The following PDE4B variants were observed in gnomAD, a reference collection of about 807,000 sequenced individuals.
PDE4B encodes the protein phosphodiesterase 4B.
In PDE4B, 20 loss-of-function variants were observed where a neutral mutation model predicts 82.2. The ratio of observed to expected loss-of-function variants is 0.24; its 90% CI spans 0.17 to 0.35. The LOEUF (loss-of-function observed/expected upper bound fraction) is 0.35, where lower values mean the gene tolerates loss of function less well. Among genes scored for constraint, PDE4B ranks in the 10% least tolerant of loss-of-function variants. PDE4B has a pLI of 1.00. For synonymous variants in PDE4B, 320 were observed against 318.9 expected (o/e 1.00, Z -0.04); for missense variants, 655 against 907.2 (o/e 0.72, Z 3.57).
intron 3 of PDE4B, among the ~76,000 whole-genome samples, chr1:66,135,246 A>T (rs1042243517): frequency 3.9e-5 from 6 of 152,260 alleles, no homozygotes; most frequent in Admixed American, 3.3e-4. Context: ...AACAAAGATT[A>T]CTTTGATGAA....
intron 3 of PDE4B, among the ~76,000 whole-genome samples, chr1:66,201,142 T>G (rs1204968898): frequency 6.6e-6 from 1 of 152,230 alleles, no homozygotes; most frequent in Admixed American, 6.5e-5. Context: ...ATATGCTGGA[T>G]TACATTTATT....
In PDE4B at chr1:66,374,066, T is replaced by A. The variant is rs1398617069; in HGVS notation, c.*1388T>A. The A allele has an allele frequency of 6.6e-6, 1 of 152,666 alleles. No individual in the cohort carries two copies. The highest frequency in any genetic ancestry group is 6.5e-5 in the Admixed American group (1 of 15,274). 9.5% of individuals were successfully genotyped at this position (152,666 alleles called of 1,614,324 possible). A position where few individuals can be genotyped will look rare whatever the true frequency, so the allele number is the denominator to read the frequency against. On this transcript the variant is annotated 3_prime_UTR_variant, in exon 17 of 17. Coordinates refer to ENST00000341517, the MANE Select transcript of PDE4B (RefSeq NM_002600.4). ...AAATCTATGTGGGCATGAGTTGGGT[T>A]ATAACTGGATCCTACTATCATTGTG... is the stretch of plus-strand genomic sequence containing the variant.
Position 66,312,217 on chromosome 1 carries a change from G to T in PDE4B, c.635-20291G>T, listed in dbSNP as rs534031672. ...TCCATTCTTAATTCTGGAGGCTTGG[G>T]TTTCTCCAGAATGTTTAGAAGGTTT... is the stretch of plus-strand genomic sequence containing the variant. On this transcript the variant is annotated intron_variant, in intron 7 of 16. Transcript: ENST00000341517. Among the ~76,000 whole-genome samples, 13 of 152,296 alleles carry T rather than the reference G, an allele frequency of 8.5e-5. No individual in the cohort carries two copies. The East Asian group carries it at 1.7e-3, about 20-fold the overall frequency.
intron 3 of PDE4B, among the ~76,000 whole-genome samples, chr1:66,078,284 C>A (rs1467750949): frequency 6.6e-6 from 1 of 151,886 alleles, no homozygotes; most frequent in Non-Finnish European, 1.5e-5. Context: ...GCAACCTCCA[C>A]CTCCATGGTT....
intron 1 of PDE4B, among the ~76,000 whole-genome samples, chr1:65,848,281 G>A (rs1190427861): frequency 1.3e-5 from 2 of 151,996 alleles, no homozygotes; most frequent in African/African-American, 4.8e-5. Flanking sequence ...TGAGACTACA[G>A]GCATGTGCCA....
intron 7 of PDE4B, among the ~76,000 whole-genome samples, chr1:66,322,692 C>G (rs138246259): frequency 1.3e-5 from 2 of 151,528 alleles, no homozygotes; most frequent in Admixed American, 6.6e-5. Context: ...GAAATAGGAA[C>G]GCAAAAAATT....
chr1:66,322,269 G>T (rs185715725), intron 7 of PDE4B, among the ~76,000 whole-genome samples: 16 of 152,266 alleles, frequency 1.1e-4, no homozygotes, highest in Admixed American at 9.8e-4. Context: ...AAGACTTCAT[G>T]ACTAAAACAC....
chr1:66,137,248 G>A (rs1646077034), intron 3 of PDE4B, among the ~76,000 whole-genome samples: 1 of 152,126 alleles, frequency 6.6e-6, no homozygotes, highest in Non-Finnish European at 1.5e-5. Context: ...TCTCTTTTGG[G>A]CACTTTTGAT....
intron 3 of PDE4B, among the ~76,000 whole-genome samples, chr1:66,216,683 G>A (rs1403599199): frequency 1.3e-5 from 2 of 152,140 alleles, no homozygotes; most frequent in Non-Finnish European, 1.5e-5. Context: ...TCAGCTATTA[G>A]CTAGGAACAG....
At chr1:65,890,836 T>G (rs572329637) in intron 1 of PDE4B, among the ~76,000 whole-genome samples, 1 of 151,954 alleles carries the variant, frequency 6.6e-6, no homozygotes, top group South Asian at 2.1e-4. Flanking sequence ...TACACACACA[T>G]ACACACACAG....
intron 7 of PDE4B, among the ~76,000 whole-genome samples, chr1:66,276,465 G>T (rs1048664616): frequency 6.6e-6 from 1 of 152,196 alleles, no homozygotes; most frequent in African/African-American, 2.4e-5. Flanking sequence ...TTATCAAGAA[G>T]GGGATGGGGA....
intron 3 of PDE4B, among the ~76,000 whole-genome samples, chr1:66,245,589 G>A (rs752407166): frequency 5.3e-5 from 8 of 152,188 alleles, no homozygotes; most frequent in Non-Finnish European, 7.3e-5. Flanking sequence ...GGCTAACAAC[G>A]TAGCTCTGCC....
chr1:65,817,638 T>A (rs2101224996), intron 1 of PDE4B, among the ~76,000 whole-genome samples: 1 of 152,344 alleles, frequency 6.6e-6, no homozygotes, highest in Admixed American at 6.5e-5. Flanking sequence ...TGTGTATGTA[T>A]TTTGTACATC....
At chr1:65,876,232 G>C (rs1646642064) in intron 1 of PDE4B, among the ~76,000 whole-genome samples, 1 of 151,738 alleles carries the variant, frequency 6.6e-6, no homozygotes, top group South Asian at 2.1e-4. Flanking sequence ...TAGATTCACG[G>C]TATGCTTTTT....
intron 3 of PDE4B, among the ~76,000 whole-genome samples, chr1:66,237,548 A>C (rs1240162475): frequency 6.6e-6 from 1 of 152,162 alleles, no homozygotes; most frequent in Non-Finnish European, 1.5e-5. Flanking sequence ...AAGGTCAAAG[A>C]CTTGTGAAAT....
intron 1 of PDE4B, among the ~76,000 whole-genome samples, chr1:65,895,074 T>C (rs2100399674): frequency 6.6e-6 from 1 of 152,260 alleles, no homozygotes; most frequent in East Asian, 1.9e-4. Context: ...TTAAAAATAT[T>C]GTACTGTACT....
chr1:66,087,833 A>C (rs1481611092), intron 3 of PDE4B, among the ~76,000 whole-genome samples: 8 of 133,134 alleles, frequency 6.0e-5, no homozygotes, highest in Non-Finnish European at 1.2e-4. Flanking sequence ...ACACATGGAC[A>C]CAGGAAGGGG....
intron 3 of PDE4B, among the ~76,000 whole-genome samples, chr1:65,972,036 C>T (rs1650166817): frequency 6.6e-6 from 1 of 152,130 alleles, no homozygotes; most frequent in Non-Finnish European, 1.5e-5. Flanking sequence ...GAAATAACAT[C>T]ATTTTTCCTA....
intron 3 of PDE4B, among the ~76,000 whole-genome samples, chr1:65,923,356 A>G (rs562966263): frequency 6.6e-6 from 1 of 152,364 alleles, no homozygotes; most frequent in East Asian, 1.9e-4. Flanking sequence ...TTAATCTATA[A>G]CTTTAATCTT....
Sources: gnomAD v4.1 joint callset for allele counts (sites outside exome capture counted in the v4.1 genomes callset) on GRCh38, gnomAD v4.1.1 for gene constraint, MANE v1.5 for transcripts, NCBI Gene and HGNC (gene_info 2026-07-23, HGNC 2026-07-21) for gene names.